BPIFC: variants seen among roughly 807,000 people sequenced by gnomAD.
BPIFC encodes BPI fold containing family C.
A neutral mutation model predicts 57.6 loss-of-function variants in BPIFC; 60 were observed. The observed-to-expected ratio is 1.04, with a 90% confidence interval of 0.85 to 1.29. The LOEUF is 1.29. Ranked by LOEUF, BPIFC falls within the 50% of genes most tolerant of loss-of-function variation. The pLI is 0.00. For synonymous variants in BPIFC, 243 were observed against 224.5 expected, an observed-to-expected ratio of 1.08 and a Z score of -0.74; for missense variants, 581 against 600.5, an observed-to-expected ratio of 0.97 and a Z score of 0.34.
intron 1 of BPIFC, among the ~76,000 whole-genome samples, chr22:32,463,513 C>T (rs1026360266): frequency 3.3e-5 from 5 of 151,920 alleles, no homozygotes; most frequent in Admixed American, 2.0e-4. Context: ...ATTTAGAAAA[C>T]ACCTGAAACT....
intron 9 of BPIFC, among the ~76,000 whole-genome samples, chr22:32,436,374 G>A (rs1934397827): frequency 1.9e-5 from 1 of 51,524 alleles, no homozygotes; most frequent in Non-Finnish European, 4.7e-5. Flanking sequence ...GGAGGAGGAG[G>A]AGGAAGAGGA....
chr22:32,424,241 A>C (rs1933932122), intron 13 of BPIFC, among the ~76,000 whole-genome samples: 1 of 152,216 alleles, frequency 6.6e-6, no homozygotes. Flanking sequence ...CAAGTGGCAG[A>C]GGTAGAATTC....
chr22:32,418,110 G>A (rs1933739201), intron 14 of BPIFC, among the ~76,000 whole-genome samples: 1 of 152,088 alleles, frequency 6.6e-6, no homozygotes, highest in Non-Finnish European at 1.5e-5. Context: ...CAGTTACTGC[G>A]AATATGAAAA....
At chr22:32,435,541 C>A (rs897213293) in intron 10 of BPIFC, among the ~76,000 whole-genome samples, 163 bp downstream of exon 10, 2 of 152,144 alleles carry the variant, frequency 1.3e-5, no homozygotes, top group African/African-American at 4.8e-5. Context: ...CAACCCGTAA[C>A]AATGTTCACT....
intron 7 of BPIFC, among the ~76,000 whole-genome samples, chr22:32,443,984 C>A (rs1934642558): frequency 6.6e-6 from 1 of 152,126 alleles, no homozygotes; most frequent in Non-Finnish European, 1.5e-5. Context: ...TGTTGCATAG[C>A]CGGGATTTGA....
chr22:32,424,984 G>A (rs972508428), intron 13 of BPIFC, among the ~76,000 whole-genome samples: 1 of 151,890 alleles, frequency 6.6e-6, no homozygotes, highest in African/African-American at 2.4e-5. Flanking sequence ...GTTTCACCAT[G>A]TTGGCCAGGC....
At chr22:32,452,552 T>C (rs919448871) in intron 4 of BPIFC, among the ~76,000 whole-genome samples, 1 of 150,650 alleles carries the variant, frequency 6.6e-6, no homozygotes, top group Non-Finnish European at 1.5e-5. Flanking sequence ...GGCAGGAGAA[T>C]GGCATGAACC....
chr22:32,440,951 T>C (rs1934550132), intron 8 of BPIFC, among the ~76,000 whole-genome samples: 1 of 152,148 alleles, frequency 6.6e-6, no homozygotes, highest in African/African-American at 2.4e-5. Flanking sequence ...CTCCTTAAAC[T>C]GTAAGTTAAG....
intron 4 of BPIFC, among the ~76,000 whole-genome samples, chr22:32,449,126 G>A (rs1250971124): frequency 6.6e-6 from 1 of 152,078 alleles, no homozygotes; most frequent in Non-Finnish European, 1.5e-5. Context: ...TATATAAGTG[G>A]CAGAACCAGA....
At chr22:32,454,552 GAA>G (rs1934987125) in intron 3 of BPIFC, among the ~76,000 whole-genome samples, 1 of 152,152 alleles carries the variant, frequency 6.6e-6, no homozygotes. Flanking sequence ...AAGAGCTTGA[GAA>G]AAGTAACCTC....
intron 10 of BPIFC, 140 bp from the exon 11 acceptor site, chr22:32,433,912 A>G: frequency 1.3e-6 from 1 of 747,842 alleles, no homozygotes; most frequent in Non-Finnish European, 2.3e-6. Flanking sequence ...GTGACCTATC[A>G]TTTTATAGCC....
chr22:32,420,308 A>C (rs1462199760), intron 13 of BPIFC, among the ~76,000 whole-genome samples: 8 of 131,734 alleles, frequency 6.1e-5, no homozygotes, highest in Admixed American at 8.3e-5. Flanking sequence ...ACAGAGCAAG[A>C]CTCCGTCTCA....
At chr22:32,429,299 C>T (rs916394724) in intron 13 of BPIFC, among the ~76,000 whole-genome samples, 6 of 151,766 alleles carry the variant, frequency 4.0e-5, no homozygotes, top group Non-Finnish European at 8.8e-5. Flanking sequence ...CTCGGCCTCC[C>T]GAGTTCACGC....
chr22:32,445,698 A>T lies in BPIFC; in HGVS notation c.531T>A (p.Ser177Arg). 1.1e-6 allele frequency: 1 copy of T among 945,816 alleles called. No homozygotes were observed. The highest frequency in any genetic ancestry group is 1.6e-6 in the Non-Finnish European group (1 of 626,472). 58.6% of individuals were successfully genotyped at this position (945,816 alleles called of 1,614,324 possible). The change falls in exon 7 of 17, where the codon AGT (serine) becomes AGA (arginine). Residue 177 changes from serine (S) to arginine (R), a missense_variant and splice_region_variant. Ser to Arg is a moderately radical substitution (Grantham distance 110). Transcript: ENST00000300399. ...HAHVSFSGEL[S>R]VLYNSFAEPM... ...GCTCAGCAAAGGAGTTATACAGAACACTGAGGAAAAAAATGAAAAAAAAAA... is the reference window on the plus strand; with the variant it reads ...GCTCAGCAAAGGAGTTATACAGAACTCTGAGGAAAAAAATGAAAAAAAAAA...
chr22:32,448,262 C>T (rs756392721), intron 4 of BPIFC, among the ~76,000 whole-genome samples: 1 of 151,854 alleles, frequency 6.6e-6, no homozygotes. Flanking sequence ...TAGAGACGGG[C>T]TTTCACCATG....
chr22:32,436,616 G>T (rs1427257093), intron 9 of BPIFC, among the ~76,000 whole-genome samples: 1 of 152,184 alleles, frequency 6.6e-6, no homozygotes, highest in Non-Finnish European at 1.5e-5. Flanking sequence ...TCACCCCAGG[G>T]TGTAACCCAA....
intron 2 of BPIFC, among the ~76,000 whole-genome samples, chr22:32,461,359 G>C (rs1315624418): frequency 6.6e-6 from 1 of 152,198 alleles, no homozygotes; most frequent in Non-Finnish European, 1.5e-5. Flanking sequence ...GGTGGTCAGG[G>C]TGCAGACAGC....
intron 13 of BPIFC, among the ~76,000 whole-genome samples, chr22:32,424,901 C>A (rs1934022312): frequency 6.6e-6 from 1 of 151,234 alleles, no homozygotes; most frequent in Non-Finnish European, 1.5e-5. Context: ...CCTGCCTCAG[C>A]CTCCAGAGTA....
chr22:32,444,078 A>G (rs1170772237), intron 7 of BPIFC, among the ~76,000 whole-genome samples: 1 of 152,132 alleles, frequency 6.6e-6, no homozygotes, highest in Non-Finnish European at 1.5e-5. Flanking sequence ...AGAAACATCT[A>G]TTATCTTTAA....
Sources: allele counts gnomAD v4.1 joint callset (sites outside exome capture counted in the v4.1 genomes callset), GRCh38; gene constraint gnomAD v4.1.1; transcripts MANE v1.5; gene names NCBI Gene and HGNC (gene_info 2026-07-23, HGNC 2026-07-21).